Variants in DLGAP1 observed in about 807,000 individuals in gnomAD.
DLGAP1 encodes DLG associated protein 1.
DLGAP1 carries 11 observed loss-of-function variants against 90.8 expected under a neutral mutation model. The observed-to-expected ratio is 0.12, with a 90% CI of 0.08 to 0.20. DLGAP1 has a LOEUF of 0.20. DLGAP1 is among the 10% of genes least tolerant of loss of function. DLGAP1 has a pLI of 1.00. For missense variants in DLGAP1, 1,050 were observed against 1,333.8 expected (o/e 0.79, Z 3.31); for synonymous variants, 558 against 540.7 (o/e 1.03, Z -0.44).
intron 9 of DLGAP1, among the ~76,000 whole-genome samples, chr18:3,548,329 A>T (rs1017587651): frequency 2.0e-5 from 3 of 152,152 alleles, no homozygotes; most frequent in Non-Finnish European, 4.4e-5. Context: ...AAAATGAAAA[A>T]TTTTTTAACA....
intron 5 of DLGAP1, among the ~76,000 whole-genome samples, chr18:3,808,148 A>G (rs894973896): frequency 2.6e-5 from 4 of 152,216 alleles, no homozygotes; most frequent in Non-Finnish European, 5.9e-5. Context: ...CTGATTTCTA[A>G]CAAATATTTG....
intron 7 of DLGAP1, among the ~76,000 whole-genome samples, chr18:3,656,723 A>G (rs1251024990): frequency 2.7e-5 from 4 of 150,250 alleles, no homozygotes; most frequent in South Asian, 2.1e-4. Context: ...ATATTTATGC[A>G]CCTTTGCAGT....
intron 1 of DLGAP1, among the ~76,000 whole-genome samples, chr18:4,407,536 A>T (rs2144581312): frequency 6.6e-6 from 1 of 152,278 alleles, no homozygotes. Flanking sequence ...TATGCTCCCT[A>T]GGAGCTTTCT....
At chr18:4,290,460 A>G (rs1342715342) in intron 1 of DLGAP1, among the ~76,000 whole-genome samples, 3 of 152,222 alleles carry the variant, frequency 2.0e-5, no homozygotes, top group African/African-American at 7.2e-5. Context: ...CTGTGTACAC[A>G]TATGTGGCGA....
chr18:4,176,593 A>G (rs867655945), intron 1 of DLGAP1, among the ~76,000 whole-genome samples: 12 of 152,306 alleles, frequency 7.9e-5, no homozygotes, highest in Middle Eastern at 3.4e-3. Context: ...GCAACACTAC[A>G]GAAGTCTCCT....
intron 12 of DLGAP1, chr18:3,502,060 G>A (rs1025440902): frequency 2.9e-6 from 2 of 684,670 alleles, no homozygotes; most frequent in Non-Finnish European, 3.6e-6. Flanking sequence ...TTTATGAAAT[G>A]ATTATCAAAG....
intron 1 of DLGAP1, among the ~76,000 whole-genome samples, chr18:4,399,443 A>G (rs997215234): frequency 9.9e-5 from 15 of 152,226 alleles, no homozygotes; most frequent in Non-Finnish European, 2.1e-4. Context: ...ATCCCATCTT[A>G]CAGGTGATGA....
At chr18:4,007,654 T>TCAAACAAACAAACAAA (rs58276911) in intron 2 of DLGAP1, among the ~76,000 whole-genome samples, 290 of 151,824 alleles carry the variant, frequency 1.9e-3, no homozygotes, top group African/African-American at 6.8e-3. Flanking sequence ...AGGCTCCATC[T>TCAAACAAACAAACAAA]CAAACAAACA....
At chr18:4,276,750 A>G (rs1598791540) in intron 1 of DLGAP1, among the ~76,000 whole-genome samples, 1 of 152,224 alleles carries the variant, frequency 6.6e-6, no homozygotes, top group East Asian at 1.9e-4. Flanking sequence ...TTTTTTATGC[A>G]TAAGGTCAGA....
intron 4 of DLGAP1, among the ~76,000 whole-genome samples, chr18:3,847,648 C>T (rs1354527926): frequency 6.6e-6 from 1 of 152,052 alleles, no homozygotes; most frequent in East Asian, 1.9e-4. Context: ...CAACATCCTA[C>T]CAAATGATCC....
chr18:3,596,999 G>GCT (rs1235792033), intron 7 of DLGAP1: 2 of 519,822 alleles, frequency 3.8e-6, no homozygotes, highest in Non-Finnish European at 7.7e-6. Context: ...TCCCCCACAG[G>GCT]CTCTCGGCAA....
chr18:3,610,980 T>C (rs551488548), intron 7 of DLGAP1, among the ~76,000 whole-genome samples: 1 of 151,880 alleles, frequency 6.6e-6, no homozygotes, highest in East Asian at 1.9e-4. Context: ...TTAGCGAAAT[T>C]TGTATGCCAG....
At chr18:3,723,897 A>G (rs2062064380) in intron 7 of DLGAP1, among the ~76,000 whole-genome samples, 1 of 152,188 alleles carries the variant, frequency 6.6e-6, no homozygotes, top group Non-Finnish European at 1.5e-5. Context: ...GTCCCAAGCT[A>G]CATCCAAGAG....
chr18:4,250,509 T>C (rs766311662), intron 1 of DLGAP1, among the ~76,000 whole-genome samples: 4 of 152,242 alleles, frequency 2.6e-5, no homozygotes, highest in African/African-American at 4.8e-5. Context: ...TCGTGTTTCA[T>C]TAAGTTCCTG....
At chr18:4,230,840 T>C (rs894380614) in intron 1 of DLGAP1, among the ~76,000 whole-genome samples, 15 of 151,714 alleles carry the variant, frequency 9.9e-5, no homozygotes, top group African/African-American at 3.6e-4. Context: ...CCTGATGTGA[T>C]TATTACTCAT....
intron 1 of DLGAP1, among the ~76,000 whole-genome samples, chr18:4,315,775 C>T (rs1032183117): frequency 6.6e-6 from 1 of 150,852 alleles, no homozygotes; most frequent in African/African-American, 2.5e-5. Flanking sequence ...GATTATTTGC[C>T]TCTAACATTT....
At chr18:4,337,645 T>C (rs1250221347) in intron 1 of DLGAP1, among the ~76,000 whole-genome samples, 2 of 152,254 alleles carry the variant, frequency 1.3e-5, no homozygotes, top group South Asian at 2.1e-4. Flanking sequence ...CGGGAGCCAA[T>C]TGTCAATTCC....
Position 3,499,909 on chromosome 18 carries a change from G to C in DLGAP1, c.2725-515C>G, listed in dbSNP as rs1020782504. ...CCACCAAACCTAAATAAACAGAGGA[G>C]GAAGAAGAGATATCAGATTGTGTTC... On this transcript the variant is annotated intron_variant, in intron 12 of 12. Coordinates refer to ENST00000315677, the MANE Select transcript of DLGAP1 (RefSeq NM_004746.4). This position sits in a 1 kb window ranked among gnomAD's most constrained non-coding sequence, Gnocchi z 6.4. Among the ~76,000 whole-genome samples the C allele has an allele frequency of 1.3e-5, 2 of 152,190 alleles. No homozygotes were observed. The highest frequency in any genetic ancestry group is 2.4e-5 in the African/African-American group (1 of 41,434).
At chr18:4,330,191 T>C (rs2080915819) in intron 1 of DLGAP1, among the ~76,000 whole-genome samples, 1 of 152,066 alleles carries the variant, frequency 6.6e-6, no homozygotes, top group Non-Finnish European at 1.5e-5. Flanking sequence ...TTTTCATTTC[T>C]GTAGAATCTG....
Sources: gnomAD v4.1 joint callset for allele counts (sites outside exome capture counted in the v4.1 genomes callset) on GRCh38, gnomAD v4.1.1 for gene constraint, Gnocchi (gnomAD v3.1) non-coding constraint, MANE v1.5 for transcripts, NCBI Gene and HGNC (gene_info 2026-07-23, HGNC 2026-07-21) for gene names.